NFILZ: variants seen among roughly 807,000 people sequenced by gnomAD.
NFILZ encodes the protein NFIL3 like protein.
chr19:8,677,845 T>C lies in NFILZ; in HGVS notation c.*210T>C, dbSNP rs536659059. 6.6e-6 allele frequency among the ~76,000 whole-genome samples: 1 copy of C among 152,200 alleles called. No homozygotes were observed. The highest frequency in any genetic ancestry group is 2.4e-5 in the African/African-American group (1 of 41,532). ...TGGGAGCCCATCTTGGATTCTACCA[T>C]GGCTCTTGCCTTGCCTTAAAATCTA... On this transcript the variant is annotated 3_prime_UTR_variant, in exon 6 of 6. Coordinates refer to ENST00000691075, the MANE Select transcript of NFILZ (RefSeq NM_001378600.1).
intron 3 of NFILZ, among the ~76,000 whole-genome samples, chr19:8,661,292 A>G (rs145478568): frequency 0.011 from 1,625 of 151,092 alleles, 28 homozygotes; most frequent in African/African-American, 0.037. Flanking sequence ...CCTCCCAAGT[A>G]GTTGGAACTA....
intron 3 of NFILZ, among the ~76,000 whole-genome samples, chr19:8,668,481 T>C (rs1200102169): frequency 6.6e-6 from 1 of 152,228 alleles, no homozygotes; most frequent in Non-Finnish European, 1.5e-5. Context: ...CCTTCCTTTA[T>C]CTTTCTGAGT....
chr19:8,641,365 T>C (rs2042918411), intron 3 of NFILZ, among the ~76,000 whole-genome samples: 1 of 152,186 alleles, frequency 6.6e-6, no homozygotes. Flanking sequence ...CCAGTGTTTC[T>C]TAAATGTTTC....
intron 3 of NFILZ, among the ~76,000 whole-genome samples, chr19:8,655,219 G>A (rs1270383409): frequency 6.6e-6 from 1 of 152,220 alleles, no homozygotes; most frequent in Non-Finnish European, 1.5e-5. Flanking sequence ...GGGTGTTTGA[G>A]CAGGAGAGTG....
chr19:8,636,513 C>T (rs562927879), intron 3 of NFILZ, among the ~76,000 whole-genome samples: 56 of 144,160 alleles, frequency 3.9e-4, no homozygotes, highest in Middle Eastern at 3.8e-3. Context: ...GGCGCCATCT[C>T]GGCTCACCGC....
At chr19:8,673,786 A>G (rs1352222639) in intron 3 of NFILZ, among the ~76,000 whole-genome samples, 3 of 152,172 alleles carry the variant, frequency 2.0e-5, no homozygotes, top group African/African-American at 7.2e-5. Context: ...GAGACCTTCC[A>G]GTAGCTAGGA....
At chr19:8,657,273 A>AT (rs1317520935) in intron 3 of NFILZ, among the ~76,000 whole-genome samples, 23 of 147,878 alleles carry the variant, frequency 1.6e-4, no homozygotes, top group Non-Finnish European at 2.3e-4. Flanking sequence ...CACCCAGCTA[A>AT]TTTTTTTTTT....
intron 3 of NFILZ, among the ~76,000 whole-genome samples, chr19:8,656,274 C>G (rs990723285): frequency 8.1e-6 from 1 of 123,352 alleles, no homozygotes; most frequent in African/African-American, 2.6e-5. Context: ...CTCTCTGAAG[C>G]CCACCTTCTC....
chr19:8,633,148 CTGAT>C (rs782684992), intron 2 of NFILZ, among the ~76,000 whole-genome samples: 2 of 150,342 alleles, frequency 1.3e-5, no homozygotes, highest in African/African-American at 2.5e-5. Flanking sequence ...AGCCTCCTGA[CTGAT>C]TGAGATTACA....
At chr19:8,642,198 G>C (rs781589808) in intron 3 of NFILZ, among the ~76,000 whole-genome samples, 1 of 149,932 alleles carries the variant, frequency 6.7e-6, no homozygotes, top group Non-Finnish European at 1.5e-5. Flanking sequence ...GTGTAGACCC[G>C]AGTTGATTCT....
At chr19:8,631,792 TG>T (rs1489140882) in intron 1 of NFILZ, among the ~76,000 whole-genome samples, 7 of 151,364 alleles carry the variant, frequency 4.6e-5, no homozygotes, top group Non-Finnish European at 8.8e-5. Flanking sequence ...TCTCTAGTGA[TG>T]GGGACCCTGG....
intron 3 of NFILZ, among the ~76,000 whole-genome samples, chr19:8,666,132 T>C (rs2043060951): frequency 6.6e-6 from 1 of 151,990 alleles, no homozygotes; most frequent in East Asian, 1.9e-4. Context: ...ATCTGGGGTG[T>C]CTTTGGGCTC....
At chr19:8,673,935 G>A (rs1165310598) in intron 3 of NFILZ, among the ~76,000 whole-genome samples, 1 of 152,176 alleles carries the variant, frequency 6.6e-6, no homozygotes, top group Non-Finnish European at 1.5e-5. Context: ...CCGCCTCCCG[G>A]GTTCAAGTGA....
intron 3 of NFILZ, among the ~76,000 whole-genome samples, chr19:8,666,590 G>A (rs1350243482): frequency 6.6e-6 from 1 of 152,082 alleles, no homozygotes; most frequent in Non-Finnish European, 1.5e-5. Flanking sequence ...GCTTAGAGAG[G>A]TTAAGTCACT....
At chr19:8,663,329 AGAG>A (rs1280662247) in intron 3 of NFILZ, among the ~76,000 whole-genome samples, 1 of 150,902 alleles carries the variant, frequency 6.6e-6, no homozygotes, top group African/African-American at 2.4e-5. Flanking sequence ...TGAGAGAAAA[AGAG>A]GAGCAGAGGA....
At chr19:8,645,799 G>C (rs537485890) in intron 3 of NFILZ, among the ~76,000 whole-genome samples, 1 of 152,244 alleles carries the variant, frequency 6.6e-6, no homozygotes, top group Non-Finnish European at 1.5e-5. Flanking sequence ...GCAGAGGAGA[G>C]GCACCAGAGC....
chr19:8,640,184 G>A (rs6511182), intron 3 of NFILZ, among the ~76,000 whole-genome samples: 16,090 of 151,984 alleles, frequency 0.11, 1,245 homozygotes, highest in East Asian at 0.43. Flanking sequence ...AGTGCTTTGC[G>A]GGTGAACCGG....
intron 3 of NFILZ, among the ~76,000 whole-genome samples, chr19:8,668,049 C>T (rs1453551758): frequency 6.6e-6 from 1 of 152,108 alleles, no homozygotes. Flanking sequence ...CTCCCAGGCT[C>T]AAGTGATTCT....
At chr19:8,674,684 T>G (rs2043103206) in intron 4 of NFILZ, among the ~76,000 whole-genome samples, 84 bp downstream of exon 4, 1 of 152,174 alleles carries the variant, frequency 6.6e-6, no homozygotes, top group African/African-American at 2.4e-5. Context: ...GAACATACTT[T>G]GGGAAATGTG....
Sources: allele counts gnomAD v4.1 joint callset (sites outside exome capture counted in the v4.1 genomes callset), GRCh38; gene constraint gnomAD v4.1.1; transcripts MANE v1.5; gene names NCBI Gene and HGNC (gene_info 2026-07-23, HGNC 2026-07-21).